IBTK: variants seen among roughly 807,000 people sequenced by gnomAD.
IBTK encodes the protein BTK-binding protein.
Under a neutral mutation model 154.9 loss-of-function variants are expected in IBTK, and 83 were observed. The ratio of observed to expected loss-of-function variants is 0.54; its 90% CI spans 0.45 to 0.64. IBTK has a LOEUF of 0.64. Ranked by LOEUF, IBTK falls within the 30% of genes least tolerant of loss-of-function variation. IBTK has a pLI of 0.00. For synonymous variants in IBTK, 515 were observed against 536.1 expected, an observed-to-expected ratio of 0.96 and a Z score of 0.54; for missense variants, 1,332 against 1,584.6, an observed-to-expected ratio of 0.84 and a Z score of 2.71.
chr6:82,239,726 T>C (rs1250395578), intron 2 of IBTK, among the ~76,000 whole-genome samples: 2 of 149,896 alleles, frequency 1.3e-5, no homozygotes, highest in Non-Finnish European at 3.0e-5. Context: ...CATCGGCCTA[T>C]AAAAGCTCAC....
rs411237 is a variant in IBTK at position 82,185,206 on chromosome 6, A to C, written c.3576-3178T>G. Among the ~76,000 whole-genome samples the C allele has an allele frequency of 6.4e-3, 962 of 150,500 alleles. 12 individuals carry two copies. The highest frequency in any genetic ancestry group is 0.022 in the African/African-American group (902 of 40,716). ...TCAGAAAAAAAAAAAAAAAAAAAAA[A>C]CAGATAAATCATCACAGTCATGAAT... On this transcript the variant is annotated intron_variant, in intron 25 of 28. Transcript: ENST00000306270.
intron 6 of IBTK, 88 bp downstream of exon 6, chr6:82,225,389 A>G: frequency 1.1e-6 from 1 of 882,552 alleles, no homozygotes; most frequent in Non-Finnish European, 1.8e-6. Context: ...AAATAAAATA[A>G]GTTGCTCTGT....
At position 82,240,428 on chromosome 6, in the gene IBTK, T is replaced by A. The variant is rs1770894946; in HGVS notation, c.59A>T (p.Asp20Val). The A allele has an allele frequency of 6.2e-7, 1 of 1,614,018 alleles. No individual in the cohort carries two copies. The highest frequency in any genetic ancestry group is 1.7e-5 in the Admixed American group (1 of 59,996). ...CCCCTTTGTTACCACAGAAAGGACATCCAAAGCATGCTTCAGGGATCGACA... is the reference window on the plus strand; with the variant it reads ...CCCCTTTGTTACCACAGAAAGGACAACCAAAGCATGCTTCAGGGATCGACA... ...SKCRSLKHAL[D>V]VLSVVTKGSE... Residue 20 changes from aspartate to valine, a missense_variant, in exon 2 of 29, where the codon GAT becomes GTT. Transcript: ENST00000306270.
At chr6:82,202,392 C>G (rs117465325) in intron 18 of IBTK, 136 bp downstream of exon 18, 11,079 of 634,076 alleles carry the variant, frequency 0.017, 125 homozygotes, top group Middle Eastern at 0.048. Context: ...TACATAACTT[C>G]TAAATCATCA....
intron 15 of IBTK, 26 bp downstream of exon 15, chr6:82,211,329 ATAGTTACCAACC>A (rs1769628102): frequency 1.3e-6 from 2 of 1,523,888 alleles, no homozygotes; most frequent in South Asian, 2.4e-5. Context: ...ATAAAGAAAC[ATAGTTACCAACC>A]TAGGCGCTTT....
At position 82,231,849 on chromosome 6, in the gene IBTK, T is replaced by TA. The variant is rs1562104391; in HGVS notation, c.419-8dup. 6.6e-7 allele frequency: 1 copy of TA among 1,514,964 alleles called. No homozygotes were observed. The highest frequency in any genetic ancestry group is 1.3e-5 in the South Asian group (1 of 78,800). 93.8% of individuals were successfully genotyped at this position (1,514,964 alleles called of 1,614,324 possible). On this transcript the variant is annotated splice_region_variant and splice_polypyrimidine_tract_variant and intron_variant, in intron 3 of 28. Transcript: ENST00000306270. ...GTATAAACATCTGTAGGATCTAAAA[T>TA]AAAAATTAGTTTTTATACTTTTTTA...
chr6:82,240,891 G>A (rs530313350), intron 1 of IBTK, 48 bp from the exon 2 acceptor site: 85 of 404,670 alleles, frequency 2.1e-4, no homozygotes, highest in Non-Finnish European at 3.2e-4. Flanking sequence ...TCTGTCTCTC[G>A]CTCTCCTTGA....
intron 16 of IBTK, among the ~76,000 whole-genome samples, chr6:82,209,436 G>A (rs1204033574): frequency 2.6e-5 from 4 of 151,974 alleles, no homozygotes. Context: ...TTAAAACATC[G>A]TACTTAAGTA....
chr6:82,173,010 TTTTTTTTTTGAGACAGAGTCTCAC>T, intron 27 of IBTK: 1 of 157,358 alleles, frequency 6.4e-6, no homozygotes. Flanking sequence ...CTTTTTTTTT[TTTTTTTTTTGAGACAGAGTCTCAC>T]TGTGTCGCCC....
chr6:82,232,163 AG>A (rs760440116), intron 3 of IBTK, among the ~76,000 whole-genome samples: 15 of 151,898 alleles, frequency 9.9e-5, no homozygotes, highest in Non-Finnish European at 1.6e-4. Context: ...CCAAAGTGCT[AG>A]GATTACAGGC....
intron 7 of IBTK, 124 bp from the exon 8 acceptor site, chr6:82,223,744 A>G (rs1770186246): frequency 1.4e-6 from 1 of 732,974 alleles, no homozygotes; most frequent in African/African-American, 1.8e-5. Context: ...AGATCCCTTG[A>G]GCCCTGGAGC....
chr6:82,226,820 G>A lies in IBTK; in HGVS notation c.654+372C>T, dbSNP rs555460155. Among the ~76,000 whole-genome samples the A allele has an allele frequency of 7.2e-5, 11 of 152,122 alleles. No homozygotes were observed. In the East Asian group the frequency reaches 1.2e-3, roughly 16 times the overall value. The stretch of plus-strand genomic sequence containing the variant: ...AGGGTTTCTCCATGTTGGCCAGGCC[G>A]GTCTCGAACTCCCGACCTCAGGTGA... On this transcript the variant is annotated intron_variant, in intron 5 of 28. Coordinates refer to ENST00000306270, the MANE Select transcript of IBTK (RefSeq NM_015525.4).
At chr6:82,206,834 A>G (rs1769432521) in intron 16 of IBTK, among the ~76,000 whole-genome samples, 1 of 152,194 alleles carries the variant, frequency 6.6e-6, no homozygotes, top group African/African-American at 2.4e-5. Flanking sequence ...AGTATAATAA[A>G]CACACGGCCA....
At chr6:82,200,008 G>C (rs1317230359) in intron 21 of IBTK, 133 bp downstream of exon 21, 7 of 611,690 alleles carry the variant, frequency 1.1e-5, no homozygotes, top group Non-Finnish European at 1.7e-5. Context: ...AACTTCAACT[G>C]GAGTACTTAC....
chr6:82,247,710 ATACAGCCGCTAC>A lies in IBTK; in HGVS notation c.-518_-507del. The A allele has an allele frequency of 2.5e-6, 1 of 398,514 alleles. No homozygotes were observed. Among genetic ancestry groups the A allele is most frequent in the Admixed American group, 4.4e-5 (1 of 22,720 alleles). 24.7% of individuals were successfully genotyped at this position (398,514 alleles called of 1,614,324 possible). On this transcript the variant is annotated 5_prime_UTR_variant, in exon 1 of 29. Transcript: ENST00000306270. ...CGGGTCAGTTCGGCAGGCGGCTGCA[ATACAGCCGCTAC>A]TACAGGAATCGGGAACGGGGATGTA...
Position 82,212,395 on chromosome 6 carries a change from GT to G in IBTK, c.2291+311del, listed in dbSNP as rs1246962306. ...AATGATGAAGAGGTATAATTAATTG[GT>G]TTGGGGGCTAATAACATTTCCTAAT... On this transcript the variant is annotated intron_variant, in intron 13 of 28. Coordinates refer to ENST00000306270, the MANE Select transcript of IBTK (RefSeq NM_015525.4). Among the ~76,000 whole-genome samples the G allele has an allele frequency of 5.9e-5, 9 of 152,098 alleles. 1 individual carries two copies. The South Asian group carries it at 1.4e-3, about 24-fold the overall frequency.
Position 82,211,574 on chromosome 6 carries a change from T to A in IBTK, c.2292-2A>T. On this transcript the variant is annotated splice_acceptor_variant, in intron 13 of 28. Transcript: ENST00000306270. LOFTEE classifies it high-confidence loss of function. ...ATGGTCACGTCACACAGAAATGAAC[T>A]GCAAGAAAATGTTTAATTGAAGCAA... 3 of 1,608,828 alleles carry A rather than the reference T, an allele frequency of 1.9e-6. No homozygotes were observed. Among genetic ancestry groups the A allele is most frequent in the Non-Finnish European group, 2.6e-6 (3 of 1,175,412 alleles).
At chr6:82,236,397 T>C (rs1483357910) in intron 2 of IBTK, among the ~76,000 whole-genome samples, 2 of 152,130 alleles carry the variant, frequency 1.3e-5, no homozygotes, top group Non-Finnish European at 2.9e-5. Flanking sequence ...AGTCTTCTGT[T>C]TACAAATGGG....
intron 2 of IBTK, among the ~76,000 whole-genome samples, chr6:82,236,432 A>G (rs930841262): frequency 2.6e-5 from 4 of 152,350 alleles, no homozygotes; most frequent in African/African-American, 9.6e-5. Context: ...GTTCTTCCAG[A>G]ATAGTAAGTA....
Sources: allele counts gnomAD v4.1 joint callset (sites outside exome capture counted in the v4.1 genomes callset), GRCh38; gene constraint gnomAD v4.1.1; transcripts MANE v1.5; gene names NCBI Gene and HGNC (gene_info 2026-07-23, HGNC 2026-07-21).